Variants in EIF2AK4 observed in about 807,000 individuals in gnomAD.
EIF2AK4 encodes the protein eIF-2-alpha kinase GCN2.
Under a neutral mutation model 211.1 loss-of-function variants are expected in EIF2AK4, and 139 were observed. That is an observed-to-expected ratio of 0.66 (90% CI 0.57 to 0.76). The LOEUF is 0.76. EIF2AK4 is among the 30% of genes least tolerant of loss of function. EIF2AK4 has a pLI of 0.00. For missense variants in EIF2AK4, 1,664 were observed against 2,043.8 expected (o/e 0.81, Z 3.58); for synonymous variants, 710 against 751.3 (o/e 0.94, Z 0.90).
intron 16 of EIF2AK4, among the ~76,000 whole-genome samples, chr15:39,990,787 T>A (rs1312304510): frequency 6.6e-6 from 1 of 152,230 alleles, no homozygotes; most frequent in Non-Finnish European, 1.5e-5. Context: ...AAAGGCTGGA[T>A]AACGACAGTG....
intron 31 of EIF2AK4, 129 bp from the exon 32 acceptor site, chr15:40,022,390 C>T (rs901338537): frequency 2.6e-6 from 2 of 769,048 alleles, no homozygotes; most frequent in Non-Finnish European, 4.2e-6. Context: ...TTTATATCCC[C>T]CTGAAGTCAG....
chr15:40,000,632 G>A (rs2035076853), intron 20 of EIF2AK4, among the ~76,000 whole-genome samples: 1 of 152,168 alleles, frequency 6.6e-6, no homozygotes, highest in Non-Finnish European at 1.5e-5. Context: ...ACTAAAATTA[G>A]GCATGTAAAG....
rs957867187 is a variant in EIF2AK4, at chr15:39,934,399, C to T, written c.144+60C>T. On this transcript the variant is annotated intron_variant, in intron 1 of 38. Transcript: ENST00000263791. ...GCCCTGGCCTCCCCGGGCCCTGGGC[C>T]AAAGCCCGGACACTTCCAGATTGGG... is the stretch of plus-strand genomic sequence containing the variant. 49 of 1,540,100 alleles carry T rather than the reference C, an allele frequency of 3.2e-5. 1 individual carries two copies. The South Asian group carries it at 5.3e-4, about 17-fold the overall frequency.
At chr15:39,988,167 A>C in intron 15 of EIF2AK4, 62 bp downstream of exon 15, 12 of 1,576,094 alleles carry the variant, frequency 7.6e-6, no homozygotes, top group Non-Finnish European at 1.0e-5. Flanking sequence ...GACTGCATAA[A>C]AATATCAAAT....
chr15:39,950,174 A>G (rs1366507797), intron 4 of EIF2AK4, among the ~76,000 whole-genome samples: 2 of 152,214 alleles, frequency 1.3e-5, no homozygotes, highest in Admixed American at 6.5e-5. Flanking sequence ...GATTCATAAT[A>G]CTTTCTTTAA....
rs1453505562 is a variant in EIF2AK4 at position 40,035,479 on chromosome 15, G to A, written c.*395G>A. The A allele has an allele frequency of 2.6e-5, 4 of 152,014 alleles. No individual in the cohort carries two copies. Among genetic ancestry groups the A allele is most frequent in the Non-Finnish European group, 2.9e-5 (2 of 68,804 alleles). 9.4% of individuals were successfully genotyped at this position (152,014 alleles called of 1,614,324 possible). On this transcript the variant is annotated 3_prime_UTR_variant, in exon 39 of 39. Transcript: ENST00000263791. ...CAAGACCCTGTCTTAAAAAAAAAAAGAAAAAAAAAATTTTTTTCTAAGAAG... is the reference window on the plus strand; with the variant it reads ...CAAGACCCTGTCTTAAAAAAAAAAAAAAAAAAAAAATTTTTTTCTAAGAAG...
At chr15:40,032,614 C>T in intron 36 of EIF2AK4, 143 bp from the exon 37 acceptor site, 1 of 699,300 alleles carries the variant, frequency 1.4e-6, no homozygotes, top group Non-Finnish European at 2.4e-6. Context: ...CTTATCACTG[C>T]ACAGTTCATT....
chr15:40,024,739 G>GC (rs2035443173), intron 32 of EIF2AK4, among the ~76,000 whole-genome samples: 1 of 122,306 alleles, frequency 8.2e-6, no homozygotes, highest in African/African-American at 3.0e-5. Context: ...GCTTTTTTTT[G>GC]TTTTTTTTTT....
At chr15:39,995,808 C>T (rs960031918) in intron 18 of EIF2AK4, among the ~76,000 whole-genome samples, 1 of 152,150 alleles carries the variant, frequency 6.6e-6, no homozygotes, top group Non-Finnish European at 1.5e-5. Flanking sequence ...ATGATTACCA[C>T]AGCGAAGCTG....
At chr15:39,937,070 T>C (rs752816894) in intron 1 of EIF2AK4, among the ~76,000 whole-genome samples, 13 of 152,218 alleles carry the variant, frequency 8.5e-5, no homozygotes, top group Admixed American at 2.0e-4. Context: ...GTAAAAAGTT[T>C]AGACACTGCT....
intron 35 of EIF2AK4, 108 bp from the exon 36 acceptor site, chr15:40,032,060 TC>T: frequency 1.0e-6 from 1 of 963,362 alleles, no homozygotes; most frequent in Middle Eastern, 2.4e-4. Context: ...TGGAATCCTT[TC>T]TAGGCTTTGG....
At chr15:39,936,197 T>A (rs1432949863) in intron 1 of EIF2AK4, among the ~76,000 whole-genome samples, 1 of 152,178 alleles carries the variant, frequency 6.6e-6, no homozygotes, top group Non-Finnish European at 1.5e-5. Context: ...GATGGAATAC[T>A]AGACAAACCA....
At chr15:40,017,844 C>G (rs2035331345) in intron 29 of EIF2AK4, among the ~76,000 whole-genome samples, 1 of 151,672 alleles carries the variant, frequency 6.6e-6, no homozygotes, top group South Asian at 2.1e-4. Flanking sequence ...ACCACACCAC[C>G]CCTTGCATAA....
intron 11 of EIF2AK4, chr15:39,974,798 C>G (rs1286493925): frequency 3.3e-5 from 5 of 152,196 alleles, no homozygotes; most frequent in African/African-American, 9.7e-5. Flanking sequence ...AGTAGTTTCT[C>G]CCTGTGAGAA....
At chr15:40,000,234 A>C (rs2035072510) in intron 20 of EIF2AK4, among the ~76,000 whole-genome samples, 1 of 152,158 alleles carries the variant, frequency 6.6e-6, no homozygotes, top group Admixed American at 6.6e-5. Context: ...ATACAAACTA[A>C]TTGCCTGTGT....
At chr15:40,019,828 A>G (rs2035358654) in intron 30 of EIF2AK4, among the ~76,000 whole-genome samples, 1 of 152,198 alleles carries the variant, frequency 6.6e-6, no homozygotes, top group South Asian at 2.1e-4. Flanking sequence ...TACCATATAA[A>G]TGTGAGATGT....
At chr15:39,968,556 G>A (rs1289538945) in intron 9 of EIF2AK4, among the ~76,000 whole-genome samples, 1 of 152,172 alleles carries the variant, frequency 6.6e-6, no homozygotes, top group East Asian at 1.9e-4. Context: ...TGTTAAATGG[G>A]AGATAAGATC....
chr15:40,012,776 G>A lies in EIF2AK4; in HGVS notation c.3759+1430G>A, dbSNP rs780724996. Among the ~76,000 whole-genome samples, 7 of 152,110 alleles carry A rather than the reference G, an allele frequency of 4.6e-5. No individual in the cohort carries two copies. In the East Asian group the frequency reaches 5.8e-4, roughly 13 times the overall value. Reference sequence around the variant, plus strand: ...TTAAATCTCTAACCACTGGTTATTCGATGATGCTAAGTGTTAATTAGACGT... The same window carrying A: ...TTAAATCTCTAACCACTGGTTATTCAATGATGCTAAGTGTTAATTAGACGT... On this transcript the variant is annotated intron_variant, in intron 27 of 38. Transcript: ENST00000263791.
chr15:39,995,335 A>G (rs2140930624), intron 18 of EIF2AK4, among the ~76,000 whole-genome samples: 2 of 152,312 alleles, frequency 1.3e-5, no homozygotes, highest in South Asian at 2.1e-4. Context: ...TGACAATCCA[A>G]GAGTCTCGCC....
Sources: gnomAD v4.1 joint callset for allele counts (sites outside exome capture counted in the v4.1 genomes callset) on GRCh38, gnomAD v4.1.1 for gene constraint, MANE v1.5 for transcripts, NCBI Gene and HGNC (gene_info 2026-07-23, HGNC 2026-07-21) for gene names.